OR10J1: variants seen among roughly 807,000 people sequenced by gnomAD.
The protein encoded by OR10J1 is olfactory receptor 10J1.
For synonymous variants in OR10J1, 202 were observed against 143.8 expected (o/e 1.40, Z -2.89); for missense variants, 474 against 376.6 (o/e 1.26, Z -2.14).
At chr1:159,411,455 G>A in the OR10J1 span, among the ~76,000 whole-genome samples, 4 of 152,092 alleles carry the variant, frequency 2.6e-5, no homozygotes, top group Non-Finnish European at 5.9e-5. Context: ...TTATGCAGTG[G>A]CCTTCTTTGT....
chr1:159,405,986 G>A, the OR10J1 span: 1 of 451,726 alleles, frequency 2.2e-6, no homozygotes, highest in Admixed American at 3.1e-5. Flanking sequence ...GTAAGGGGTT[G>A]CAGAAGACCA....
upstream of OR10J1, among the ~76,000 whole-genome samples, chr1:159,438,349 G>A (rs904492589): frequency 6.6e-6 from 1 of 152,184 alleles, no homozygotes; most frequent in Non-Finnish European, 1.5e-5. Context: ...TCCTTGGGCA[G>A]AATCACCACA....
At chr1:159,432,621 A>G in the OR10J1 span, 6 of 461,658 alleles carry the variant, frequency 1.3e-5, no homozygotes, top group East Asian at 1.9e-4. Context: ...CATGGGCAAA[A>G]AGGCTTGTAT....
At chr1:159,415,201 G>A in the OR10J1 span, among the ~76,000 whole-genome samples, 11 of 151,978 alleles carry the variant, frequency 7.2e-5, no homozygotes, top group African/African-American at 2.4e-4. Flanking sequence ...TCATAGTTTT[G>A]GGTCTTACAT....
At chr1:159,412,339 C>T in the OR10J1 span, among the ~76,000 whole-genome samples, 79,476 of 149,902 alleles carry the variant, frequency 0.53, 24,505 homozygotes, top group African/African-American at 0.85. Context: ...AAAAACTACT[C>T]TAAAGTTCAT....
chr1:159,409,106 C>T, the OR10J1 span, among the ~76,000 whole-genome samples: 6 of 152,176 alleles, frequency 3.9e-5, no homozygotes, highest in South Asian at 2.1e-4. Flanking sequence ...GCACTCCATT[C>T]GTAACTGTAT....
At chr1:159,410,555 C>CT in the OR10J1 span, among the ~76,000 whole-genome samples, 2 of 151,944 alleles carry the variant, frequency 1.3e-5, no homozygotes, top group Non-Finnish European at 2.9e-5. Context: ...TCCCCTTGAT[C>CT]TTTTTTTATT....
the OR10J1 span, among the ~76,000 whole-genome samples, chr1:159,411,637 C>G: frequency 2.6e-5 from 4 of 152,080 alleles, no homozygotes; most frequent in East Asian, 5.8e-4. Context: ...ACTGATGAGT[C>G]TTGACTCTTT....
the OR10J1 span, among the ~76,000 whole-genome samples, chr1:159,398,622 G>C: frequency 6.6e-6 from 1 of 152,076 alleles, no homozygotes; most frequent in African/African-American, 2.4e-5. Context: ...GTATACTGAG[G>C]AATGCATAAG....
At chr1:159,416,827 G>T in the OR10J1 span, among the ~76,000 whole-genome samples, 17 of 152,020 alleles carry the variant, frequency 1.1e-4, no homozygotes, top group Admixed American at 2.6e-4. Flanking sequence ...TATGAGTCTA[G>T]AAATTTATTC....
the OR10J1 span, chr1:159,432,367 A>T: frequency 2.5e-6 from 1 of 402,112 alleles, no homozygotes; most frequent in Non-Finnish European, 4.4e-6. Context: ...CTTAACCATC[A>T]ACTTCACACG....
chr1:159,409,119 A>C, the OR10J1 span, among the ~76,000 whole-genome samples: 4 of 152,100 alleles, frequency 2.6e-5, no homozygotes, highest in Non-Finnish European at 4.4e-5. Context: ...AACTGTATTT[A>C]AATGAATCAC....
chr1:159,440,232 GGCC>G lies in OR10J1; in HGVS notation c.442_444del (p.Ala148del). The G allele has an allele frequency of 6.2e-7, 1 of 1,614,078 alleles. No homozygotes were observed. The highest frequency in any genetic ancestry group is 8.5e-7 in the Non-Finnish European group (1 of 1,179,996). ...GGCTGCGTATCCAACTTGTCCTGGG[GGCC>G]TGCAGCATTGGGCTGATTGTAGCAA... On this transcript the variant is annotated inframe_deletion, in exon 1 of 1. Transcript: ENST00000423932.
At chr1:159,437,550 A>G (rs1046938793), upstream of OR10J1, among the ~76,000 whole-genome samples, 2 of 152,238 alleles carry the variant, frequency 1.3e-5, no homozygotes, top group Non-Finnish European at 2.9e-5. Flanking sequence ...TATTCAAACA[A>G]TTAAAAATCA....
the OR10J1 span, among the ~76,000 whole-genome samples, chr1:159,415,708 T>C: frequency 1.3e-4 from 19 of 151,930 alleles, no homozygotes; most frequent in Non-Finnish European, 4.4e-5. Context: ...TTTTAAACGA[T>C]ATGACTAATA....
chr1:159,413,544 A>G, the OR10J1 span, among the ~76,000 whole-genome samples: 2 of 152,142 alleles, frequency 1.3e-5, no homozygotes, highest in East Asian at 3.8e-4. Context: ...TTGCAGGGAC[A>G]TGGATGAAAT....
the OR10J1 span, among the ~76,000 whole-genome samples, chr1:159,413,693 G>A: frequency 5.0e-5 from 7 of 140,402 alleles, no homozygotes; most frequent in African/African-American, 1.8e-4. Flanking sequence ...CTGTTGTGGG[G>A]TAGGGGGAGG....
the OR10J1 span, among the ~76,000 whole-genome samples, chr1:159,411,391 G>A: frequency 4.8e-4 from 73 of 152,216 alleles, no homozygotes; most frequent in African/African-American, 1.7e-3. Context: ...CCTGTATTGG[G>A]TGCATATATA....
chr1:159,419,954 GTCTC>G, the OR10J1 span, among the ~76,000 whole-genome samples: 7 of 152,004 alleles, frequency 4.6e-5, no homozygotes, highest in Non-Finnish European at 1.0e-4. Flanking sequence ...TTGTATTGGA[GTCTC>G]TCTCTCTCTT....
Sources: gnomAD v4.1 joint callset for allele counts (sites outside exome capture counted in the v4.1 genomes callset) on GRCh38, gnomAD v4.1.1 for gene constraint, MANE v1.5 for transcripts, NCBI Gene and HGNC (gene_info 2026-07-23, HGNC 2026-07-21) for gene names.